The following ZNF276 variants were observed in gnomAD, a reference collection of about 807,000 sequenced individuals.
ZNF276 encodes zinc finger protein 276.
A neutral mutation model predicts 63.9 loss-of-function variants in ZNF276; 59 were observed. The ratio of observed to expected loss-of-function variants is 0.92; its 90% confidence interval spans 0.75 to 1.15. The LOEUF (loss-of-function observed/expected upper bound fraction) is 1.15, where lower values mean the gene tolerates loss of function less well. Ranked by LOEUF, ZNF276 falls within the 50% of genes most tolerant of loss-of-function variation. ZNF276 has a pLI of 0.00. For missense variants in ZNF276, 1,084 were observed against 843.8 expected, an observed-to-expected ratio of 1.28 and a Z score of -3.53; for synonymous variants, 496 against 348.4, an observed-to-expected ratio of 1.42 and a Z score of -4.72.
chr16:89,738,042 G>A lies in ZNF276; in HGVS notation c.1641G>A (p.Lys547=), dbSNP rs142475962. ...TCAAGTACCACATGACCAAACACAA[G>A]GCTGAGACTGAGCTGGACTTTGCCT... ...ASLKYHMTKH[K]AETELDFACD... Residue 547 remains lysine (K), a synonymous_variant, in exon 11 of 11, where the codon AAG becomes AAA. Coordinates refer to ENST00000443381, the MANE Select transcript of ZNF276 (RefSeq NM_001113525.2). The A allele has an allele frequency of 8.1e-6, 13 of 1,614,162 alleles. No homozygotes were observed. The highest frequency in any genetic ancestry group is 3.3e-5 in the Admixed American group (2 of 60,018).
intron 4 of ZNF276, 121 bp downstream of exon 4, chr16:89,723,830 G>T (rs2061384452): frequency 1.9e-5 from 22 of 1,131,166 alleles, no homozygotes; most frequent in South Asian, 1.6e-4. Context: ...GTGTGAGAAG[G>T]AGCAGAGCTT....
At chr16:89,726,080 A>G (rs1454778421) in intron 4 of ZNF276, among the ~76,000 whole-genome samples, 4 of 152,230 alleles carry the variant, frequency 2.6e-5, no homozygotes, top group East Asian at 1.9e-4. Flanking sequence ...CAGTGGCACA[A>G]TCTCGGCTCA....
chr16:89,739,908 CAAG>C lies in ZNF276; in HGVS notation c.*1663_*1665del. The C allele has an allele frequency of 6.3e-7, 1 of 1,589,362 alleles. No individual in the cohort carries two copies. The highest frequency in any genetic ancestry group is 8.6e-7 in the Non-Finnish European group (1 of 1,165,210). Reference sequence around the variant, plus strand: ...TATAAACTTACTTAGCAAGGAACCTCAAGGAGGGCTCGTTCTTAACCATTTGCA... The same window carrying C: ...TATAAACTTACTTAGCAAGGAACCTCGAGGGCTCGTTCTTAACCATTTGCA... On this transcript the variant is annotated 3_prime_UTR_variant, in exon 11 of 11. Coordinates refer to ENST00000443381, the MANE Select transcript of ZNF276 (RefSeq NM_001113525.2).
chr16:89,721,029 C>A (rs1045299774), upstream of ZNF276: 13 of 614,678 alleles, frequency 2.1e-5, no homozygotes, highest in Admixed American at 3.8e-4. Context: ...GCGGGCCCCA[C>A]GGGTGTTAGT....
At position 89,740,508 on chromosome 16, in the gene ZNF276, C is replaced by T. The variant is rs541175712; in HGVS notation, c.*2262C>T. 1.7e-4 allele frequency: 82 copies of T among 489,098 alleles called. No individual in the cohort carries two copies. The highest frequency in any genetic ancestry group is 1.3e-3 in the African/African-American group (69 of 51,672). The allele number at this position is 489,098 out of a possible 1,614,324, so 30.3% of individuals were successfully genotyped here. A position where few individuals can be genotyped will look rare whatever the true frequency, so the allele number is the denominator to read the frequency against. Reference sequence around the variant, plus strand: ...AAATTAGCCGGGTGTGACAGACTCACGCCTGTAATCCCAGCTACTCGGGAG... The same window carrying T: ...AAATTAGCCGGGTGTGACAGACTCATGCCTGTAATCCCAGCTACTCGGGAG... On this transcript the variant is annotated 3_prime_UTR_variant, in exon 11 of 11. Coordinates refer to ENST00000443381, the MANE Select transcript of ZNF276 (RefSeq NM_001113525.2).
intron 6 of ZNF276, chr16:89,731,836 TA>T (rs1322012072): frequency 6.6e-6 from 1 of 152,218 alleles, no homozygotes; most frequent in African/African-American, 2.4e-5. Context: ...CTGAAATAAT[TA>T]ATTAGGGTTT....
rs892010151 is a variant in ZNF276, at chr16:89,738,448, G to A, written c.*202G>A. On this transcript the variant is annotated 3_prime_UTR_variant, in exon 11 of 11. Coordinates refer to ENST00000443381, the MANE Select transcript of ZNF276 (RefSeq NM_001113525.2). ...TTTTCCCGCAAACGCTGAGTGACTC[G>A]GGGCCGGACAGTTCATAAATAATTG... The A allele has an allele frequency of 3.6e-6, 5 of 1,388,610 alleles. No individual in the cohort carries two copies. The highest frequency in any genetic ancestry group is 4.9e-6 in the Non-Finnish European group (5 of 1,012,486). 86.0% of individuals were successfully genotyped at this position (1,388,610 alleles called of 1,614,324 possible). A position where few individuals can be genotyped will look rare whatever the true frequency, so the allele number is the denominator to read the frequency against.
intron 4 of ZNF276, among the ~76,000 whole-genome samples, chr16:89,726,268 C>T (rs1205475366): frequency 6.6e-6 from 1 of 151,990 alleles, no homozygotes; most frequent in African/African-American, 2.4e-5. Flanking sequence ...ACGATATCAG[C>T]TCACCACAAC....
chr16:89,736,545 G>A lies in ZNF276; in HGVS notation c.1475-1261G>A, dbSNP rs545306274. 1.0e-4 allele frequency among the ~76,000 whole-genome samples: 15 copies of A among 150,726 alleles called. No homozygotes were observed. In the South Asian group the frequency reaches 3.1e-3, roughly 32 times the overall value. ...TTACCATATTGATTGGGCTGGGGCT[G>A]GTCTTGAACTGACTTCATGATCCGC... On this transcript the variant is annotated intron_variant, in intron 9 of 10. Coordinates refer to ENST00000443381, the MANE Select transcript of ZNF276 (RefSeq NM_001113525.2).
rs377090567 is a variant in ZNF276, at chr16:89,733,969, C to G, written c.1405C>G (p.His469Asp). ...GGAGGTCCGGGAGCGGCCCTGCCCC[C>G]ACCCTGGCTGCAACAAGGTTTTCAT... is the stretch of plus-strand genomic sequence containing the variant. ...HEEVRERPCP[H>D]PGCNKVFMID... The change falls in exon 9 of 11, where the codon CAC becomes GAC. Residue 469 changes from histidine (H) to aspartate (D), a missense_variant. By Grantham distance (81) the His-to-Asp change is moderately conservative (BLOSUM62 -1). Transcript: ENST00000443381. 2 of 1,614,096 alleles carry G rather than the reference C, an allele frequency of 1.2e-6. No individual in the cohort carries two copies. The highest frequency in any genetic ancestry group is 1.1e-5 in the South Asian group (1 of 91,088).
At position 89,740,332 on chromosome 16, in the gene ZNF276, A is replaced by G. The variant is rs1037970559; in HGVS notation, c.*2086A>G. The G allele has an allele frequency of 1.8e-6, 1 of 557,054 alleles. No homozygotes were observed. The highest frequency in any genetic ancestry group is 3.2e-6 in the Non-Finnish European group (1 of 310,638). The allele number at this position is 557,054 out of a possible 1,614,324, so 34.5% of individuals were successfully genotyped here. On this transcript the variant is annotated 3_prime_UTR_variant, in exon 11 of 11. Transcript: ENST00000443381. ...CAAGGCTGCTGCACCACGTCCTCAA[A>G]TAAGACATTAAAAGAAAGGCCCACA...
intron 9 of ZNF276, among the ~76,000 whole-genome samples, chr16:89,735,895 G>A (rs28708836): frequency 7.0e-6 from 1 of 142,888 alleles, no homozygotes; most frequent in Non-Finnish European, 1.5e-5. Context: ...TTTTTTGTTT[G>A]TTTGTTTGTT....
chr16:89,738,497 C>T lies in ZNF276; in HGVS notation c.*251C>T, dbSNP rs55859244. The T allele has an allele frequency of 1.3e-4, 194 of 1,548,846 alleles. No homozygotes were observed. In the East Asian group the frequency reaches 2.6e-3, roughly 21 times the overall value. The stretch of plus-strand genomic sequence containing the variant: ...TGATTCCTTTCCCCACTAAAGCAGT[C>T]GAGGAGATTTGTAATCCACTTTTTA... On this transcript the variant is annotated 3_prime_UTR_variant, in exon 11 of 11. Transcript: ENST00000443381.
chr16:89,732,036 A>T (rs975510488), intron 6 of ZNF276: 1 of 152,380 alleles, frequency 6.6e-6, no homozygotes, highest in East Asian at 1.9e-4. Context: ...AGTCCTTCAC[A>T]GTTGAGCGTG....
intron 9 of ZNF276, among the ~76,000 whole-genome samples, 173 bp downstream of exon 9, chr16:89,734,211 T>C (rs1442520304): frequency 6.6e-6 from 1 of 152,240 alleles, no homozygotes; most frequent in African/African-American, 2.4e-5. Flanking sequence ...AGGGCGTCAG[T>C]GTGAATCTGC....
At chr16:89,726,540 C>T (rs2061476340) in intron 4 of ZNF276, among the ~76,000 whole-genome samples, 1 of 152,098 alleles carries the variant, frequency 6.6e-6, no homozygotes, top group Non-Finnish European at 1.5e-5. Context: ...ACCATGTTAG[C>T]CAGGTTGGTC....
At position 89,739,640 on chromosome 16, in the gene ZNF276, A is replaced by G; in HGVS notation, c.*1394A>G. Reference sequence around the variant, plus strand: ...GACACCCCTGGGGGTCGGGACGTGTACCCTGGGAGGCCTGGCTGTGGGGAT... The same window carrying G: ...GACACCCCTGGGGGTCGGGACGTGTGCCCTGGGAGGCCTGGCTGTGGGGAT... On this transcript the variant is annotated 3_prime_UTR_variant, in exon 11 of 11. Transcript: ENST00000443381. 2 of 1,511,516 alleles carry G rather than the reference A, an allele frequency of 1.3e-6. No individual in the cohort carries two copies. Among genetic ancestry groups the G allele is most frequent in the Non-Finnish European group, 1.8e-6 (2 of 1,112,870 alleles). The allele number at this position is 1,511,516 out of a possible 1,614,324, so 93.6% of individuals were successfully genotyped here.
chr16:89,740,799 CTTACATTTGAGGTCAGAT>C lies in ZNF276; in HGVS notation c.*2554_*2571del. ...GGACACCTTGGCTGGTAAGGTCTGA[CTTACATTTGAGGTCAGAT>C]GTGACGACAGCAGGCCCATCAAGGA... On this transcript the variant is annotated 3_prime_UTR_variant, in exon 11 of 11. Transcript: ENST00000443381. The C allele has an allele frequency of 1.2e-6, 2 of 1,613,186 alleles. No homozygotes were observed. The highest frequency in any genetic ancestry group is 1.7e-6 in the Non-Finnish European group (2 of 1,179,448).
At position 89,740,169 on chromosome 16, in the gene ZNF276, C is replaced by G. The variant is rs559531582; in HGVS notation, c.*1923C>G. On this transcript the variant is annotated 3_prime_UTR_variant, in exon 11 of 11. Transcript: ENST00000443381. ...CTCCCATGGGTAGGAGGGTACAGCC[C>G]TCAGCACAGAAGAGGGCATTTCCTC... The G allele has an allele frequency of 2.1e-5, 26 of 1,217,900 alleles. No individual in the cohort carries two copies. Among genetic ancestry groups the G allele is most frequent in the Middle Eastern group, 2.4e-4 (1 of 4,212 alleles). The allele number at this position is 1,217,900 out of a possible 1,614,324, so 75.4% of individuals were successfully genotyped here.
Sources: gnomAD v4.1 joint callset for allele counts (sites outside exome capture counted in the v4.1 genomes callset) on GRCh38, gnomAD v4.1.1 for gene constraint, MANE v1.5 for transcripts, NCBI Gene and HGNC (gene_info 2026-07-23, HGNC 2026-07-21) for gene names.